SLC9A7: variants seen among roughly 807,000 people sequenced by gnomAD.
SLC9A7 encodes the protein sodium/hydrogen exchanger 7.
In SLC9A7, 19 loss-of-function variants were observed where a neutral mutation model predicts 52.6. That is an observed-to-expected ratio of 0.36 (90% CI 0.25 to 0.53). SLC9A7 has a LOEUF of 0.53. SLC9A7 is among the 20% of genes least tolerant of loss of function. The pLI is 0.91. For missense variants in SLC9A7, 455 were observed against 597.9 expected (o/e 0.76, Z 2.49); for synonymous variants, 226 against 252.1 (o/e 0.90, Z 0.98).
chrX:46,753,921 G>A (rs1556290071), intron 1 of SLC9A7, among the ~76,000 whole-genome samples: 2 of 110,103 alleles, frequency 1.8e-5, no homozygotes, highest in Non-Finnish European at 3.8e-5. Flanking sequence ...AGGAGGCGGA[G>A]CTTGCAGTGA....
intron 1 of SLC9A7, among the ~76,000 whole-genome samples, chrX:46,723,172 G>A (rs1424284350): frequency 1.8e-5 from 2 of 108,541 alleles, no homozygotes; most frequent in Admixed American, 9.9e-5. Flanking sequence ...TGGACTTCAT[G>A]TAAGGATTAA....
chrX:46,725,753 G>A, intron 1 of SLC9A7: 1 of 999,037 alleles, frequency 1.0e-6, no homozygotes, highest in African/African-American at 1.9e-5. Context: ...TGTCCACCAT[G>A]TCAATGCAGT....
At chrX:46,724,814 T>G (rs769041149) in intron 1 of SLC9A7, among the ~76,000 whole-genome samples, 1 of 112,221 alleles carries the variant, frequency 8.9e-6, no homozygotes, top group Non-Finnish European at 1.9e-5. Context: ...CAGGTCATTT[T>G]GAGACTGCAG....
intron 16 of SLC9A7, among the ~76,000 whole-genome samples, chrX:46,609,534 A>G (rs1942810179): frequency 1.0e-5 from 1 of 98,868 alleles, no homozygotes; most frequent in Non-Finnish European, 2.0e-5. Flanking sequence ...CCCCATCTCT[A>G]TTAAAAATAC....
chrX:46,634,374 T>C (rs1182033730), intron 13 of SLC9A7, among the ~76,000 whole-genome samples: 2 of 111,641 alleles, frequency 1.8e-5, no homozygotes, highest in Non-Finnish European at 3.8e-5. Context: ...CTGGTATAAT[T>C]TGTCCATTCT....
chrX:46,699,667 C>T (rs1300552675), intron 1 of SLC9A7, among the ~76,000 whole-genome samples: 2 of 111,532 alleles, frequency 1.8e-5, no homozygotes, highest in Non-Finnish European at 3.8e-5. Flanking sequence ...ATAAATGAGA[C>T]ATTGGGATTG....
At chrX:46,643,141 C>T in intron 12 of SLC9A7, 95 bp downstream of exon 12, 1 of 837,247 alleles carries the variant, frequency 1.2e-6, no homozygotes, top group Non-Finnish European at 1.6e-6. Context: ...TAAAAGGTTT[C>T]CATGAACTAA....
intron 1 of SLC9A7, among the ~76,000 whole-genome samples, chrX:46,703,491 G>A (rs1944561798): frequency 8.9e-6 from 1 of 111,975 alleles, no homozygotes; most frequent in Admixed American, 9.5e-5. Flanking sequence ...CTTGGAATTC[G>A]ATTTGGTTCT....
intron 15 of SLC9A7, among the ~76,000 whole-genome samples, chrX:46,616,842 T>C (rs1321424325): frequency 9.0e-6 from 1 of 111,525 alleles, no homozygotes; most frequent in Non-Finnish European, 1.9e-5. Flanking sequence ...TTTTTGGAGG[T>C]TGCTTGTTTT....
chrX:46,624,606 ATATT>A (rs1248330322), intron 14 of SLC9A7, among the ~76,000 whole-genome samples: 1 of 112,476 alleles, frequency 8.9e-6, no homozygotes, highest in Admixed American at 9.4e-5. Context: ...TGCTGATTAA[ATATT>A]TGTGAAATAT....
intron 1 of SLC9A7, among the ~76,000 whole-genome samples, chrX:46,736,824 T>A (rs1041486477): frequency 9.0e-6 from 1 of 111,602 alleles, no homozygotes; most frequent in African/African-American, 3.3e-5. Context: ...CTCTTGCAGC[T>A]CCCCAGGCCT....
At chrX:46,616,335 C>A (rs1342555529) in intron 15 of SLC9A7, among the ~76,000 whole-genome samples, 1 of 106,588 alleles carries the variant, frequency 9.4e-6, no homozygotes, top group Admixed American at 1.0e-4. Flanking sequence ...AAAACCCACC[C>A]CCCCAAAAAA....
intron 11 of SLC9A7, among the ~76,000 whole-genome samples, chrX:46,643,757 A>T (rs1457602565): frequency 8.9e-6 from 1 of 112,480 alleles, no homozygotes; most frequent in Non-Finnish European, 1.9e-5. Flanking sequence ...ATATAAATTT[A>T]AAAAACAGGC....
intron 12 of SLC9A7, among the ~76,000 whole-genome samples, chrX:46,636,447 C>T (rs189783741): frequency 4.5e-4 from 50 of 110,169 alleles, no homozygotes; most frequent in Non-Finnish European, 7.8e-4. Flanking sequence ...AGTAGCAACC[C>T]CACCCACCAA....
chrX:46,637,029 T>C (rs921834044), intron 12 of SLC9A7, among the ~76,000 whole-genome samples: 1 of 112,357 alleles, frequency 8.9e-6, no homozygotes, highest in African/African-American at 3.2e-5. Context: ...TCTTGAGAAA[T>C]AGTATTAATA....
chrX:46,680,624 A>G, intron 2 of SLC9A7, among the ~76,000 whole-genome samples: 1 of 111,974 alleles, frequency 8.9e-6, no homozygotes, highest in African/African-American at 3.2e-5. Flanking sequence ...GGTTTGATAC[A>G]GGGAAATTAA....
intron 8 of SLC9A7, among the ~76,000 whole-genome samples, chrX:46,652,593 C>A (rs1035022698): frequency 1.8e-5 from 2 of 112,183 alleles, no homozygotes; most frequent in African/African-American, 6.5e-5. Context: ...ACTTTGCCTA[C>A]ACATTTACAG....
intron 1 of SLC9A7, among the ~76,000 whole-genome samples, chrX:46,710,927 T>C (rs1944677250): frequency 1.8e-5 from 2 of 112,789 alleles, no homozygotes; most frequent in African/African-American, 3.2e-5. Context: ...CATTCTGCTC[T>C]GCAACAGCCA....
Position 46,637,093 on chromosome X carries a change from T to C in SLC9A7, c.1617-1445A>G, listed in dbSNP as rs139123263. ...TACTATTAATATAACAGCTAAAATA[T>C]ACTAAGTGCTTATGTGTCAGATGAT... is the stretch of plus-strand genomic sequence containing the variant. On this transcript the variant is annotated intron_variant, in intron 12 of 16. Coordinates refer to ENST00000616978, the MANE Select transcript of SLC9A7 (RefSeq NM_001257291.2). Among the ~76,000 whole-genome samples the C allele has an allele frequency of 2.3e-3, 264 of 112,441 alleles. 2 individuals carry two copies. The highest frequency in any genetic ancestry group is 8.1e-3 in the African/African-American group (252 of 30,971).
Sources: gnomAD v4.1 joint callset for allele counts (sites outside exome capture counted in the v4.1 genomes callset) on GRCh38, gnomAD v4.1.1 for gene constraint, MANE v1.5 for transcripts, NCBI Gene and HGNC (gene_info 2026-07-23, HGNC 2026-07-21) for gene names.